Variants in DLGAP2 observed in about 807,000 individuals in gnomAD.
The protein encoded by DLGAP2 is disks large-associated protein 2.
Under a neutral mutation model 100.3 loss-of-function variants are expected in DLGAP2, and 26 were observed. The observed-to-expected ratio is 0.26, with a 90% confidence interval of 0.19 to 0.36. The LOEUF is 0.36. DLGAP2 is among the 10% of genes least tolerant of loss of function. DLGAP2 has a pLI of 1.00. For synonymous variants in DLGAP2, 886 were observed against 630.1 expected (o/e 1.41, Z -6.08); for missense variants, 1,858 against 1,453.2 (o/e 1.28, Z -4.53).
At chr8:1,280,927 G>A (rs1799801969) in intron 3 of DLGAP2, among the ~76,000 whole-genome samples, 1 of 152,216 alleles carries the variant, frequency 6.6e-6, no homozygotes, top group South Asian at 2.1e-4. Flanking sequence ...CACTGCGTTT[G>A]TATCAGAAGC....
intron 5 of DLGAP2, among the ~76,000 whole-genome samples, chr8:1,559,064 G>A (rs1802072433): frequency 2.0e-5 from 3 of 152,234 alleles, no homozygotes; most frequent in Non-Finnish European, 2.9e-5. Flanking sequence ...TTTGTGCAGT[G>A]TTGAACTATC....
intron 2 of DLGAP2, among the ~76,000 whole-genome samples, chr8:1,211,202 C>T (rs898539999): frequency 5.3e-5 from 8 of 152,232 alleles, no homozygotes; most frequent in Non-Finnish European, 1.0e-4. Context: ...CACCGACCTG[C>T]GGATCCTCCC....
chr8:890,673 C>T lies in DLGAP2; in HGVS notation c.19-17239C>T, dbSNP rs144073905. Among the ~76,000 whole-genome samples the T allele has an allele frequency of 7.8e-4, 119 of 152,118 alleles. 1 individual carries two copies. The highest frequency in any genetic ancestry group is 2.8e-3 in the African/African-American group (116 of 41,506). On this transcript the variant is annotated intron_variant, in intron 1 of 14. Transcript: ENST00000637795. ...CAGGTTTGCCCTCACCCACCCGGTGCCACCAGCAGAGCCACCTGTCCAGAT... is the reference window on the plus strand; with the variant it reads ...CAGGTTTGCCCTCACCCACCCGGTGTCACCAGCAGAGCCACCTGTCCAGAT...
At chr8:1,659,050 G>C (rs1165825530) in intron 8 of DLGAP2, among the ~76,000 whole-genome samples, 1 of 151,414 alleles carries the variant, frequency 6.6e-6, no homozygotes, top group Admixed American at 6.6e-5. Flanking sequence ...CACAGCTAAA[G>C]CATTGGTTTC....
chr8:1,448,006 T>A lies in DLGAP2; in HGVS notation c.107-53360T>A, dbSNP rs544118692. Among the ~76,000 whole-genome samples, 5 of 152,342 alleles carry A rather than the reference T, an allele frequency of 3.3e-5. No homozygotes were observed. In the East Asian group the frequency reaches 9.6e-4, roughly 29 times the overall value. On this transcript the variant is annotated intron_variant, in intron 3 of 14. Coordinates refer to ENST00000637795, the MANE Select transcript of DLGAP2 (RefSeq NM_001346810.2). ...TTCTTTATTAGTCTTGCTAGCAGTC[T>A]ATCTATTTTGTTGATCTTTTCAAAA... is the stretch of plus-strand genomic sequence containing the variant.
At chr8:1,225,486 C>CTGTCCA (rs1451551396) in intron 2 of DLGAP2, among the ~76,000 whole-genome samples, 4 of 152,152 alleles carry the variant, frequency 2.6e-5, no homozygotes, top group Non-Finnish European at 5.9e-5. Flanking sequence ...TGATGAAAAA[C>CTGTCCA]GTCTTGAAAC....
intron 2 of DLGAP2, among the ~76,000 whole-genome samples, chr8:1,175,571 C>A (rs1485812537): frequency 6.6e-6 from 1 of 152,156 alleles, no homozygotes; most frequent in Non-Finnish European, 1.5e-5. Context: ...ATATGCGACT[C>A]CATTAGGACA....
At chr8:1,287,566 G>A (rs138615306) in intron 3 of DLGAP2, among the ~76,000 whole-genome samples, 1 of 131,190 alleles carries the variant, frequency 7.6e-6, no homozygotes, top group Non-Finnish European at 1.6e-5. Flanking sequence ...GTTCTGTTCG[G>A]AGGGGAACTA....
At chr8:1,646,139 C>T (rs995651300) in intron 8 of DLGAP2, among the ~76,000 whole-genome samples, 2 of 151,866 alleles carry the variant, frequency 1.3e-5, no homozygotes, top group African/African-American at 4.8e-5. Flanking sequence ...GAGGGGTGGA[C>T]GAGGTGAAGC....
intron 4 of DLGAP2, among the ~76,000 whole-genome samples, chr8:1,517,836 A>C (rs995784211): frequency 6.6e-6 from 1 of 152,216 alleles, no homozygotes; most frequent in Non-Finnish European, 1.5e-5. Context: ...AGACATTGGC[A>C]TGATAGTGTG....
intron 4 of DLGAP2, among the ~76,000 whole-genome samples, chr8:1,512,043 C>G (rs1292420238): frequency 1.3e-5 from 2 of 152,232 alleles, no homozygotes; most frequent in East Asian, 1.9e-4. Flanking sequence ...AGAAGTCTCC[C>G]TGAGAACGGT....
chr8:1,460,904 G>C (rs1431930010), intron 3 of DLGAP2, among the ~76,000 whole-genome samples: 1 of 152,180 alleles, frequency 6.6e-6, no homozygotes, highest in Non-Finnish European at 1.5e-5. Context: ...GGGTCGGTAG[G>C]GATCAGAAAG....
intron 2 of DLGAP2, among the ~76,000 whole-genome samples, chr8:1,051,624 G>T (rs934712694): frequency 1.3e-5 from 2 of 152,150 alleles, no homozygotes; most frequent in African/African-American, 2.4e-5. Flanking sequence ...GCATTTTCTG[G>T]GGTCTTAAAT....
intron 3 of DLGAP2, among the ~76,000 whole-genome samples, chr8:1,263,598 C>G (rs1799394236): frequency 6.6e-6 from 1 of 152,188 alleles, no homozygotes; most frequent in South Asian, 2.1e-4. Flanking sequence ...CCACAAGTGA[C>G]TCGAAACAAT....
intron 4 of DLGAP2, among the ~76,000 whole-genome samples, chr8:1,511,019 A>G (rs968616345): frequency 6.6e-6 from 1 of 152,254 alleles, no homozygotes; most frequent in Non-Finnish European, 1.5e-5. Flanking sequence ...TTTCTCAAAC[A>G]GTATTTGTTC....
chr8:1,241,759 A>C (rs1351049519), intron 2 of DLGAP2, among the ~76,000 whole-genome samples: 1 of 152,198 alleles, frequency 6.6e-6, no homozygotes, highest in East Asian at 1.9e-4. Flanking sequence ...AAAAAAACTA[A>C]TAAATTCTGG....
At chr8:1,230,237 C>T (rs1460864735) in intron 2 of DLGAP2, among the ~76,000 whole-genome samples, 1 of 152,084 alleles carries the variant, frequency 6.6e-6, no homozygotes, top group African/African-American at 2.4e-5. Flanking sequence ...AACTGAGAGC[C>T]AAATCAAGAA....
chr8:1,154,409 C>G (rs1033404589), intron 2 of DLGAP2, among the ~76,000 whole-genome samples: 3 of 151,696 alleles, frequency 2.0e-5, no homozygotes. Flanking sequence ...AGATGCCCCT[C>G]TCTTCCAACT....
intron 6 of DLGAP2, among the ~76,000 whole-genome samples, chr8:1,609,274 C>T (rs1406394759): frequency 1.1e-4 from 16 of 142,198 alleles, no homozygotes; most frequent in Admixed American, 1.5e-4. Context: ...CCCAGAATTT[C>T]ATATCCAGCC....
Sources: gnomAD v4.1 joint callset for allele counts (sites outside exome capture counted in the v4.1 genomes callset) on GRCh38, gnomAD v4.1.1 for gene constraint, MANE v1.5 for transcripts, NCBI Gene and HGNC (gene_info 2026-07-23, HGNC 2026-07-21) for gene names.